R3HCC1L: variants seen among roughly 807,000 people sequenced by gnomAD.
R3HCC1L encodes the protein R3H domain and coiled-coil containing 1 like, also known as coiled-coil domain-containing protein R3HCC1L.
Under a neutral mutation model 59.9 loss-of-function variants are expected in R3HCC1L, and 51 were observed. The ratio of observed to expected loss-of-function variants is 0.85; its 90% CI spans 0.68 to 1.07. The LOEUF (loss-of-function observed/expected upper bound fraction) is 1.07. Ranked by LOEUF, R3HCC1L falls within the 50% of genes least tolerant of loss-of-function variation. R3HCC1L has a pLI of 0.00. For missense variants in R3HCC1L, 965 were observed against 933.0 expected (o/e 1.03, Z -0.45); for synonymous variants, 322 against 315.2 (o/e 1.02, Z -0.23).
At chr10:98,199,131 T>C (rs1252007700) in intron 4 of R3HCC1L, among the ~76,000 whole-genome samples, 1 of 152,116 alleles carries the variant, frequency 6.6e-6, no homozygotes, top group Middle Eastern at 3.2e-3. Context: ...ACACTTCAAG[T>C]GCTTGATAGC....
chr10:98,163,376 G>A lies in R3HCC1L; in HGVS notation c.-36G>A. ...GCATGTTGTAGAGTTTTATTACTAA[G>A]AAAATAAATGTTACTTACATGGTAA... On this transcript the variant is annotated 5_prime_UTR_variant, in exon 4 of 10. Transcript: ENST00000298999. The A allele has an allele frequency of 7.5e-7, 1 of 1,338,974 alleles. No individual in the cohort carries two copies. Among genetic ancestry groups the A allele is most frequent in the Non-Finnish European group, 9.9e-7 (1 of 1,012,280 alleles). 82.9% of individuals were successfully genotyped at this position (1,338,974 alleles called of 1,614,324 possible).
chr10:98,182,752 C>T (rs1849775721), intron 4 of R3HCC1L, among the ~76,000 whole-genome samples: 1 of 152,166 alleles, frequency 6.6e-6, no homozygotes. Flanking sequence ...ATGGTGGACG[C>T]CCCTCCCTGA....
At chr10:98,145,896 C>T (rs1008905386) in intron 1 of R3HCC1L, among the ~76,000 whole-genome samples, 1 of 151,866 alleles carries the variant, frequency 6.6e-6, no homozygotes, top group African/African-American at 2.4e-5. Context: ...TTGCAGTGAG[C>T]CAAGATCACT....
chr10:98,231,160 C>T (rs1590819206), intron 5 of R3HCC1L: 1 of 327,858 alleles, frequency 3.1e-6, no homozygotes, highest in Non-Finnish European at 5.9e-6. Context: ...ATTAATTAAT[C>T]TCTTCAGCTA....
chr10:98,211,588 T>G (rs1196849092), intron 5 of R3HCC1L, among the ~76,000 whole-genome samples: 1 of 152,066 alleles, frequency 6.6e-6, no homozygotes, highest in Non-Finnish European at 1.5e-5. Flanking sequence ...GCATGAGGAA[T>G]AGAGAGAGCA....
intron 4 of R3HCC1L, among the ~76,000 whole-genome samples, chr10:98,192,129 C>T (rs1850928697): frequency 1.3e-5 from 2 of 150,978 alleles, no homozygotes; most frequent in Non-Finnish European, 3.0e-5. Context: ...CCAGCCTGGA[C>T]TTTTTTTTTA....
At chr10:98,226,880 C>T (rs1422595674) in intron 5 of R3HCC1L, among the ~76,000 whole-genome samples, 2 of 152,206 alleles carry the variant, frequency 1.3e-5, no homozygotes, top group African/African-American at 4.8e-5. Flanking sequence ...AAAGGCAAAA[C>T]AGTTTATGTA....
intron 1 of R3HCC1L, among the ~76,000 whole-genome samples, chr10:98,153,028 G>T (rs1846417160): frequency 6.7e-6 from 1 of 149,244 alleles, no homozygotes. Flanking sequence ...GCCCCGTCCG[G>T]GAGGTGGGGG....
intron 5 of R3HCC1L, among the ~76,000 whole-genome samples, chr10:98,226,093 G>T (rs922284175): frequency 6.6e-6 from 1 of 152,058 alleles, no homozygotes; most frequent in African/African-American, 2.4e-5. Flanking sequence ...GCCTGCCTGG[G>T]CCTCCCAAAG....
chr10:98,169,902 T>TG (rs1848345842), intron 4 of R3HCC1L, among the ~76,000 whole-genome samples: 1 of 151,500 alleles, frequency 6.6e-6, no homozygotes, highest in Non-Finnish European at 1.5e-5. Flanking sequence ...TTTTTTTTTT[T>TG]TGGAGTGAGT....
chr10:98,155,058 T>A (rs1277195098), intron 1 of R3HCC1L, among the ~76,000 whole-genome samples: 3 of 152,238 alleles, frequency 2.0e-5, no homozygotes, highest in Non-Finnish European at 4.4e-5. Flanking sequence ...AAGCTGCTGA[T>A]AACCCTCTTC....
At chr10:98,172,791 T>C (rs1304573721) in intron 4 of R3HCC1L, among the ~76,000 whole-genome samples, 1 of 152,202 alleles carries the variant, frequency 6.6e-6, no homozygotes, top group Admixed American at 6.5e-5. Context: ...GCCTAGTATG[T>C]ATTCAGTATG....
intron 5 of R3HCC1L, among the ~76,000 whole-genome samples, chr10:98,210,379 G>C (rs376697166): frequency 2.0e-5 from 3 of 152,122 alleles, no homozygotes; most frequent in Non-Finnish European, 4.4e-5. Flanking sequence ...GTTTATACTG[G>C]GTTAAATTGA....
intron 2 of R3HCC1L, among the ~76,000 whole-genome samples, chr10:98,160,096 A>G (rs1371377091): frequency 6.6e-6 from 1 of 152,224 alleles, no homozygotes; most frequent in Non-Finnish European, 1.5e-5. Context: ...ACAATGAGAA[A>G]CCTGGCCCTA....
intron 5 of R3HCC1L, among the ~76,000 whole-genome samples, chr10:98,221,201 CCTT>C (rs1270391190): frequency 6.6e-6 from 1 of 151,780 alleles, no homozygotes; most frequent in Non-Finnish European, 1.5e-5. Context: ...CTGTTCATGT[CCTT>C]CGCCCACTTG....
At chr10:98,138,992 T>C (rs896467920) in intron 1 of R3HCC1L, among the ~76,000 whole-genome samples, 2 of 152,192 alleles carry the variant, frequency 1.3e-5, no homozygotes, top group Non-Finnish European at 2.9e-5. Context: ...CTGAAAGGTA[T>C]GGATTTTGTT....
intron 5 of R3HCC1L, among the ~76,000 whole-genome samples, chr10:98,228,159 C>CT (rs1855895164): frequency 6.6e-6 from 1 of 152,204 alleles, no homozygotes; most frequent in Non-Finnish European, 1.5e-5. Context: ...AATTGCCACA[C>CT]TGTCTTCCAC....
At chr10:98,202,873 T>A (rs1419640750) in intron 4 of R3HCC1L, among the ~76,000 whole-genome samples, 16 of 144,206 alleles carry the variant, frequency 1.1e-4, no homozygotes, top group Non-Finnish European at 1.7e-4. Context: ...AAAAAAAAAA[T>A]AGAGTGGGGA....
At chr10:98,185,793 G>T (rs17109051) in intron 4 of R3HCC1L, among the ~76,000 whole-genome samples, 19,011 of 152,208 alleles carry the variant, frequency 0.12, 1,237 homozygotes, top group Middle Eastern at 0.17. Context: ...GGTGACATCT[G>T]ACTAGCTAAT....
Sources: gnomAD v4.1 joint callset for allele counts (sites outside exome capture counted in the v4.1 genomes callset) on GRCh38, gnomAD v4.1.1 for gene constraint, MANE v1.5 for transcripts, NCBI Gene and HGNC (gene_info 2026-07-23, HGNC 2026-07-21) for gene names.